The following MACROD2 variants were observed in gnomAD, a reference collection of about 807,000 sequenced individuals.
The protein encoded by MACROD2 is mono-ADP ribosylhydrolase 2, also known as ADP-ribose glycohydrolase MACROD2.
A neutral mutation model predicts 70.4 loss-of-function variants in MACROD2; 36 were observed. That is an observed-to-expected ratio of 0.51 (90% CI 0.39 to 0.68). The LOEUF is 0.68. MACROD2 is among the 30% of genes least tolerant of loss of function. MACROD2 has a pLI of 0.00. For missense variants in MACROD2, 496 were observed against 538.4 expected (o/e 0.92, Z 0.78); for synonymous variants, 172 against 178.8 (o/e 0.96, Z 0.30).
At chr20:14,953,632 A>C (rs2122737812) in intron 5 of MACROD2, among the ~76,000 whole-genome samples, 1 of 152,244 alleles carries the variant, frequency 6.6e-6, no homozygotes, top group African/African-American at 2.4e-5. Context: ...TATAAAAGAA[A>C]TAGAGAGTGC....
chr20:15,653,391 ATGG>A (rs2049676312), intron 8 of MACROD2, among the ~76,000 whole-genome samples: 1 of 152,222 alleles, frequency 6.6e-6, no homozygotes, highest in Non-Finnish European at 1.5e-5. Context: ...GTCAACAAGT[ATGG>A]GCAGAATCAG....
intron 6 of MACROD2, among the ~76,000 whole-genome samples, chr20:15,284,789 T>C (rs2077476521): frequency 6.6e-6 from 1 of 152,210 alleles, no homozygotes; most frequent in Non-Finnish European, 1.5e-5. Flanking sequence ...TGTATACCCT[T>C]GCCTAGGTTA....
chr20:15,145,550 C>T (rs6043112), intron 5 of MACROD2, among the ~76,000 whole-genome samples: 6,029 of 152,040 alleles, frequency 0.04, 415 homozygotes, highest in African/African-American at 0.14. Flanking sequence ...GAAAGAAATA[C>T]CAAACATTTG....
chr20:14,803,747 C>T (rs1181979130), intron 5 of MACROD2, among the ~76,000 whole-genome samples: 1 of 152,048 alleles, frequency 6.6e-6, no homozygotes, highest in Non-Finnish European at 1.5e-5. Flanking sequence ...TCCCAAAGTG[C>T]TGGGATTACA....
chr20:15,220,971 G>A (rs1327998345), intron 5 of MACROD2, among the ~76,000 whole-genome samples: 1 of 152,138 alleles, frequency 6.6e-6, no homozygotes, highest in Non-Finnish European at 1.5e-5. Flanking sequence ...GGTGGCACGG[G>A]AGTGGTAAAG....
chr20:14,239,575 A>G (rs191121110), intron 3 of MACROD2, among the ~76,000 whole-genome samples: 1 of 152,284 alleles, frequency 6.6e-6, no homozygotes, highest in East Asian at 1.9e-4. Flanking sequence ...ACCTACAACC[A>G]TCTGATCATC....
chr20:15,981,947 A>G (rs1321959300), intron 13 of MACROD2, among the ~76,000 whole-genome samples: 8 of 152,002 alleles, frequency 5.3e-5, no homozygotes, highest in Non-Finnish European at 8.8e-5. Flanking sequence ...GACACATTTT[A>G]CATAAATATG....
At chr20:15,478,567 GT>G (rs2047053604) in intron 7 of MACROD2, among the ~76,000 whole-genome samples, 1 of 152,040 alleles carries the variant, frequency 6.6e-6, no homozygotes, top group Non-Finnish European at 1.5e-5. Context: ...GTGTGTGTGT[GT>G]GTGTGTTTCT....
At chr20:14,073,895 T>C (rs145374554) in intron 2 of MACROD2, among the ~76,000 whole-genome samples, 1 of 152,222 alleles carries the variant, frequency 6.6e-6, no homozygotes, top group East Asian at 1.9e-4. Flanking sequence ...AACCAAACTT[T>C]AGTTAGGTCC....
Position 14,797,311 on chromosome 20 carries a change from A to G in MACROD2, c.418+112352A>G, listed in dbSNP as rs187735841. Among the ~76,000 whole-genome samples, 10 of 152,136 alleles carry G rather than the reference A, an allele frequency of 6.6e-5. No homozygotes were observed. The East Asian group carries it at 1.9e-3, about 29-fold the overall frequency. ...TCATTCCTCCACTTAGTACTCTTCAATGACCGGCCATTGCCTTTGGGATCA... is the reference window on the plus strand; with the variant it reads ...TCATTCCTCCACTTAGTACTCTTCAGTGACCGGCCATTGCCTTTGGGATCA... On this transcript the variant is annotated intron_variant, in intron 5 of 17. Transcript: ENST00000684519.
At chr20:14,423,422 T>A (rs896925189) in intron 3 of MACROD2, among the ~76,000 whole-genome samples, 3 of 151,386 alleles carry the variant, frequency 2.0e-5, no homozygotes, top group Non-Finnish European at 4.4e-5. Context: ...TGATGCGGCC[T>A]GGAGCGGTGG....
At chr20:14,160,288 G>A (rs961775285) in intron 3 of MACROD2, among the ~76,000 whole-genome samples, 15 of 152,260 alleles carry the variant, frequency 9.9e-5, no homozygotes, top group Middle Eastern at 3.4e-3. Context: ...TAGTTTGGGG[G>A]AAAATTGGTG....
At chr20:15,888,795 A>G (rs1441016820) in intron 10 of MACROD2, among the ~76,000 whole-genome samples, 4 of 152,128 alleles carry the variant, frequency 2.6e-5, no homozygotes, top group Admixed American at 2.6e-4. Context: ...TGCTGAAATC[A>G]TGGAGGATTT....
intron 4 of MACROD2, 55 bp from the exon 5 acceptor site, chr20:14,684,788 T>C: frequency 1.4e-6 from 2 of 1,415,280 alleles, no homozygotes; most frequent in Non-Finnish European, 2.0e-6. Flanking sequence ...CATCTTGAGC[T>C]TTATATTTAT....
chr20:15,244,245 C>G (rs2077085858), intron 6 of MACROD2, among the ~76,000 whole-genome samples: 1 of 152,020 alleles, frequency 6.6e-6, no homozygotes, highest in Non-Finnish European at 1.5e-5. Context: ...CAGAAACCAA[C>G]AAATGCTAAA....
At chr20:15,986,676 A>T in intron 13 of MACROD2, 51 bp from the exon 14 acceptor site, 1 of 1,408,260 alleles carries the variant, frequency 7.1e-7, no homozygotes, top group Non-Finnish European at 1.0e-6. Context: ...GAATAAAGCT[A>T]CGGTCATGCA....
chr20:15,918,962 A>G (rs2065360620), intron 10 of MACROD2, among the ~76,000 whole-genome samples: 1 of 152,110 alleles, frequency 6.6e-6, no homozygotes, highest in Admixed American at 6.5e-5. Flanking sequence ...TAAATGACTG[A>G]CCCTGGAACC....
At chr20:15,386,587 G>A (rs1435038315) in intron 6 of MACROD2, among the ~76,000 whole-genome samples, 2 of 152,164 alleles carry the variant, frequency 1.3e-5, no homozygotes, top group African/African-American at 4.8e-5. Context: ...GTCCAGGGCT[G>A]ATGAAAATGC....
At chr20:14,334,449 C>T (rs1258613793) in intron 3 of MACROD2, among the ~76,000 whole-genome samples, 1 of 152,242 alleles carries the variant, frequency 6.6e-6, no homozygotes, top group East Asian at 1.9e-4. Flanking sequence ...TTTTTATGCT[C>T]TGAAGAGAAA....
Sources: gnomAD v4.1 joint callset for allele counts (sites outside exome capture counted in the v4.1 genomes callset) on GRCh38, gnomAD v4.1.1 for gene constraint, MANE v1.5 for transcripts, NCBI Gene and HGNC (gene_info 2026-07-23, HGNC 2026-07-21) for gene names.